MDGA2: variants seen among roughly 807,000 people sequenced by gnomAD.
The protein encoded by MDGA2 is MAM domain-containing glycosylphosphatidylinositol anchor protein 2.
A neutral mutation model predicts 117.8 loss-of-function variants in MDGA2; 40 were observed. The observed-to-expected ratio is 0.34, with a 90% CI of 0.26 to 0.44. The LOEUF (loss-of-function observed/expected upper bound fraction) is 0.44. MDGA2 is among the 20% of genes least tolerant of loss of function. MDGA2 has a pLI of 1.00. For synonymous variants in MDGA2, 452 were observed against 439.0 expected (o/e 1.03, Z -0.37); for missense variants, 1,123 against 1,250.6 (o/e 0.90, Z 1.54).
intron 1 of MDGA2, among the ~76,000 whole-genome samples, chr14:47,416,679 C>T (rs948013218): frequency 2.8e-4 from 42 of 152,276 alleles, no homozygotes; most frequent in African/African-American, 8.9e-4. Context: ...GAGGTAGGTA[C>T]ACTCTCAGAG....
chr14:47,225,735 C>T (rs113251734), intron 2 of MDGA2, among the ~76,000 whole-genome samples: 207 of 151,902 alleles, frequency 1.4e-3, no homozygotes, highest in Non-Finnish European at 2.1e-3. Context: ...ATGGGTGCAG[C>T]GCACCAGCAT....
intron 1 of MDGA2, among the ~76,000 whole-genome samples, chr14:47,615,282 A>C (rs917674046): frequency 1.3e-5 from 2 of 152,216 alleles, no homozygotes; most frequent in Admixed American, 6.5e-5. Context: ...TTTCCACCAA[A>C]ATAGTGATTT....
At chr14:46,876,846 A>G (rs1475012269) in intron 12 of MDGA2, among the ~76,000 whole-genome samples, 1 of 151,688 alleles carries the variant, frequency 6.6e-6, no homozygotes, top group African/African-American at 2.4e-5. Context: ...ATGTCTTCAT[A>G]GTAAATCCTC....
intron 1 of MDGA2, among the ~76,000 whole-genome samples, chr14:47,539,465 C>T (rs1448514408): frequency 1.3e-5 from 2 of 152,120 alleles, no homozygotes; most frequent in Non-Finnish European, 2.9e-5. Context: ...TGAAGGGTGG[C>T]TATGGAGCTG....
chr14:47,282,461 C>T (rs529060181), intron 2 of MDGA2, among the ~76,000 whole-genome samples: 1 of 151,760 alleles, frequency 6.6e-6, no homozygotes, highest in Admixed American at 6.6e-5. Flanking sequence ...AGACAGTTCA[C>T]GAGGTCAGGA....
intron 15 of MDGA2, among the ~76,000 whole-genome samples, chr14:46,846,726 T>C (rs1880856895): frequency 6.6e-6 from 1 of 152,146 alleles, no homozygotes; most frequent in Non-Finnish European, 1.5e-5. Flanking sequence ...AGCAAAACTT[T>C]AATCTTTTTG....
intron 3 of MDGA2, among the ~76,000 whole-genome samples, chr14:47,197,262 G>A (rs1314630923): frequency 6.6e-6 from 1 of 152,022 alleles, no homozygotes; most frequent in Non-Finnish European, 1.5e-5. Context: ...GTACCTGGAG[G>A]TGGAGCCCTT....
At chr14:47,532,201 C>T (rs1437425697) in intron 1 of MDGA2, among the ~76,000 whole-genome samples, 1 of 152,152 alleles carries the variant, frequency 6.6e-6, no homozygotes, top group Non-Finnish European at 1.5e-5. Flanking sequence ...GAAAAATTTC[C>T]AGTTTTCATC....
chr14:47,259,816 A>G (rs1330952081), intron 2 of MDGA2, among the ~76,000 whole-genome samples: 1 of 152,144 alleles, frequency 6.6e-6, no homozygotes, highest in Non-Finnish European at 1.5e-5. Flanking sequence ...GGGGCTGAGC[A>G]GGATGTTGCA....
At chr14:47,209,899 G>A (rs1413116218) in intron 3 of MDGA2, among the ~76,000 whole-genome samples, 3 of 152,256 alleles carry the variant, frequency 2.0e-5, no homozygotes, top group Admixed American at 2.0e-4. Context: ...TGGGTGGTGG[G>A]TGAGAAAATT....
At chr14:47,053,198 C>T (rs1475585087) in intron 7 of MDGA2, among the ~76,000 whole-genome samples, 1 of 151,806 alleles carries the variant, frequency 6.6e-6, no homozygotes, top group Admixed American at 6.6e-5. Context: ...TTCTCATTTG[C>T]TTCACAGTTT....
intron 10 of MDGA2, among the ~76,000 whole-genome samples, chr14:46,902,484 A>T (rs967614780): frequency 4.6e-5 from 7 of 152,150 alleles, no homozygotes; most frequent in Admixed American, 1.3e-4. Flanking sequence ...AATACATAGA[A>T]ATTACACTCT....
chr14:47,354,403 A>G (rs1303515049), intron 1 of MDGA2, among the ~76,000 whole-genome samples: 1 of 152,128 alleles, frequency 6.6e-6, no homozygotes, highest in Non-Finnish European at 1.5e-5. Context: ...ACAACAAAAA[A>G]CAGTCAGATC....
At chr14:46,950,241 C>T (rs1461120878) in intron 9 of MDGA2, among the ~76,000 whole-genome samples, 1 of 151,796 alleles carries the variant, frequency 6.6e-6, no homozygotes, top group Non-Finnish European at 1.5e-5. Flanking sequence ...ATGGATTCCC[C>T]TATATTTTAT....
chr14:47,312,696 T>C (rs1191976816), intron 1 of MDGA2, among the ~76,000 whole-genome samples: 1 of 141,674 alleles, frequency 7.1e-6, no homozygotes, highest in Non-Finnish European at 1.5e-5. Context: ...TTGTTTTGTT[T>C]TGTTTTTTTT....
chr14:47,164,742 C>T (rs978341495), intron 3 of MDGA2, among the ~76,000 whole-genome samples: 1 of 152,150 alleles, frequency 6.6e-6, no homozygotes, highest in African/African-American at 2.4e-5. Context: ...CCAGCCATCC[C>T]ATTACTGGGT....
chr14:47,474,020 A>G (rs1893784042), intron 1 of MDGA2, among the ~76,000 whole-genome samples: 1 of 152,184 alleles, frequency 6.6e-6, no homozygotes, highest in Admixed American at 6.6e-5. Context: ...GTATTCAAAT[A>G]GGAAGAGAGG....
intron 1 of MDGA2, among the ~76,000 whole-genome samples, chr14:47,392,917 G>A (rs1367528285): frequency 1.3e-5 from 2 of 151,934 alleles, no homozygotes; most frequent in East Asian, 1.9e-4. Flanking sequence ...TGAGCATCTC[G>A]TTACTTTTAT....
At chr14:47,034,910 T>A (rs972247196) in intron 8 of MDGA2, 101 bp downstream of exon 8, 37 of 1,012,154 alleles carry the variant, frequency 3.7e-5, no homozygotes, top group Admixed American at 9.3e-5. Flanking sequence ...AAATAGTTCA[T>A]TCAATCTAGT....
Sources: allele counts gnomAD v4.1 joint callset (sites outside exome capture counted in the v4.1 genomes callset), GRCh38; gene constraint gnomAD v4.1.1; transcripts MANE v1.5; gene names NCBI Gene and HGNC (gene_info 2026-07-23, HGNC 2026-07-21).